ZC3H3: variants seen among roughly 807,000 people sequenced by gnomAD.
ZC3H3 encodes zinc finger CCCH-type containing 3.
A neutral mutation model predicts 77.3 loss-of-function variants in ZC3H3; 36 were observed. The observed-to-expected ratio is 0.47, with a 90% CI of 0.36 to 0.61. ZC3H3 has a LOEUF of 0.61. Among genes scored for constraint, ZC3H3 ranks in the 20% least tolerant of loss-of-function variants. The pLI is 0.00. For synonymous variants in ZC3H3, 626 were observed against 555.2 expected (o/e 1.13, Z -1.79); for missense variants, 1,331 against 1,312.2 (o/e 1.01, Z -0.22).
chr8:143,533,588 C>CAG lies in ZC3H3; in HGVS notation c.1561+2667_1561+2668dup, dbSNP rs1822691206. Among the ~76,000 whole-genome samples, 1 of 152,186 alleles carries CAG rather than the reference C, an allele frequency of 6.6e-6. No homozygotes were observed. Among genetic ancestry groups the CAG allele is most frequent in the Non-Finnish European group, 1.5e-5 (1 of 68,030 alleles). On this transcript the variant is annotated intron_variant, in intron 3 of 11. Coordinates refer to ENST00000262577, the MANE Select transcript of ZC3H3 (RefSeq NM_015117.3). This position sits in a 1 kb window ranked among gnomAD's most constrained non-coding sequence, Gnocchi z 4.0. The stretch of plus-strand genomic sequence containing the variant: ...GGCACAGTGACTCAACCACGCTTGC[C>CAG]AGTTGGGCCAGTGGTGGGCAAGTGA...
At chr8:143,442,214 C>T (rs1327373478) in intron 9 of ZC3H3, among the ~76,000 whole-genome samples, 2 of 152,114 alleles carry the variant, frequency 1.3e-5, no homozygotes, top group Non-Finnish European at 2.9e-5. Flanking sequence ...CCCCGCCATA[C>T]CCCCAGGTGG....
intron 4 of ZC3H3, among the ~76,000 whole-genome samples, chr8:143,482,763 C>T (rs573678052): frequency 1.3e-5 from 2 of 152,320 alleles, no homozygotes; most frequent in East Asian, 3.9e-4. Flanking sequence ...AAGGCTGCTA[C>T]GGACGTGACA....
At position 143,475,450 on chromosome 8, in the gene ZC3H3, G is replaced by C. The variant is rs780144237; in HGVS notation, c.1851C>G (p.Ser617=). 3 of 1,613,100 alleles carry C rather than the reference G, an allele frequency of 1.9e-6. No homozygotes were observed. Among genetic ancestry groups the C allele is most frequent in the Non-Finnish European group, 2.5e-6 (3 of 1,179,966 alleles). The change falls in exon 5 of 12, where the codon TCC becomes TCG. Residue 617 remains serine, a synonymous_variant. Transcript: ENST00000262577. ...VLYKVSANKL[S]KTSGQPSDAG... ...CATCACTGGGCTGGCCGGAGGTCTTGGAGAGCTTGTTGGCAGATACTTTGT... is the reference window on the plus strand; with the variant it reads ...CATCACTGGGCTGGCCGGAGGTCTTCGAGAGCTTGTTGGCAGATACTTTGT...
intron 9 of ZC3H3, among the ~76,000 whole-genome samples, chr8:143,442,432 C>CGGGGGGG (rs72497486): frequency 9.6e-5 from 9 of 93,880 alleles, no homozygotes; most frequent in Non-Finnish European, 1.3e-4. Context: ...GCAAGGCCTC[C>CGGGGGGG]GGGGGGGGGG....
At chr8:143,438,111 G>C in intron 11 of ZC3H3, 24 bp from the exon 12 acceptor site, 13 of 1,603,096 alleles carry the variant, frequency 8.1e-6, no homozygotes, top group Non-Finnish European at 1.1e-5. Context: ...GCAAAAGTTA[G>C]GTGCCCGGAA....
intron 4 of ZC3H3, among the ~76,000 whole-genome samples, chr8:143,488,406 A>C (rs868145020): frequency 1.4e-3 from 178 of 122,906 alleles, no homozygotes; most frequent in African/African-American, 3.8e-3. Context: ...AGCACCCGCT[A>C]CACGGCCCCA....
In ZC3H3 at chr8:143,494,494, C is replaced by G. The variant is rs533662436; in HGVS notation, c.1715+13252G>C. ...CACCCCACAGTGCAGGAGCCTGTGG[C>G]CACCCCTGCCAACAGGCCCACACAA... On this transcript the variant is annotated intron_variant, in intron 4 of 11. Coordinates refer to ENST00000262577, the MANE Select transcript of ZC3H3 (RefSeq NM_015117.3). This position sits in a 1 kb window ranked among gnomAD's most constrained non-coding sequence, Gnocchi z 5.3. 3.9e-4 allele frequency among the ~76,000 whole-genome samples: 60 copies of G among 152,294 alleles called. No individual in the cohort carries two copies. The South Asian group carries it at 5.0e-3, about 13-fold the overall frequency.
At chr8:143,516,568 TACAC>T (rs1210430916) in intron 3 of ZC3H3, among the ~76,000 whole-genome samples, 4 of 49,538 alleles carry the variant, frequency 8.1e-5, no homozygotes, top group African/African-American at 3.6e-4. Context: ...CACACACACA[TACAC>T]ACACACACTC....
chr8:143,465,801 G>C lies in ZC3H3; in HGVS notation c.2223C>G (p.Asn741Lys). The C allele has an allele frequency of 6.2e-7, 1 of 1,613,626 alleles. No individual in the cohort carries two copies. The highest frequency in any genetic ancestry group is 8.5e-7 in the Non-Finnish European group (1 of 1,180,014). The change falls in exon 9 of 12, where the codon AAC becomes AAG. Residue 741 changes from asparagine (N) to lysine (K), a missense_variant. This residue lies in a region of ZC3H3 where 104 missense variants were observed against 159.7 expected (regional missense o/e 0.65). Coordinates refer to ENST00000262577, the MANE Select transcript of ZC3H3 (RefSeq NM_015117.3). ...YFLKGICSNS[N>K]CPYSHVYVSR... ...ACACGTACACGTGGCTATAGGGACA[G>C]TTGCTGTTGCTGCAGATGCCCTTCA...
intron 3 of ZC3H3, among the ~76,000 whole-genome samples, chr8:143,516,081 GT>G (rs1822030121): frequency 6.6e-6 from 1 of 152,160 alleles, no homozygotes; most frequent in South Asian, 2.1e-4. Flanking sequence ...CTTCAGGCCC[GT>G]CCATTTCTCT....
chr8:143,470,364 G>A (rs1820529783), intron 5 of ZC3H3, among the ~76,000 whole-genome samples: 1 of 152,248 alleles, frequency 6.6e-6, no homozygotes, highest in African/African-American at 2.4e-5. Flanking sequence ...GAAACCTGAG[G>A]CGTGTGGGGG....
chr8:143,528,430 A>T (rs1822489915), intron 3 of ZC3H3, among the ~76,000 whole-genome samples: 1 of 152,144 alleles, frequency 6.6e-6, no homozygotes, highest in African/African-American at 2.4e-5. Flanking sequence ...TCAGGGCTCC[A>T]CCCATGCCTC....
intron 9 of ZC3H3, among the ~76,000 whole-genome samples, chr8:143,453,621 T>C (rs1820042190): frequency 6.6e-6 from 1 of 152,168 alleles, no homozygotes; most frequent in Admixed American, 6.5e-5. Context: ...GTGGTTAAAG[T>C]TCTCCAAACA....
At position 143,438,051 on chromosome 8, in the gene ZC3H3, G is replaced by C. The variant is rs753215909; in HGVS notation, c.*5C>G. 3.1e-6 allele frequency: 5 copies of C among 1,610,796 alleles called. No homozygotes were observed. Among genetic ancestry groups the C allele is most frequent in the Non-Finnish European group, 4.2e-6 (5 of 1,178,794 alleles). ...GAGGTAGGTGCAGGCCGGTCCCTGG[G>C]GTCCTCACAGACGTGGTTTGATGTG... On this transcript the variant is annotated 3_prime_UTR_variant, in exon 12 of 12. Coordinates refer to ENST00000262577, the MANE Select transcript of ZC3H3 (RefSeq NM_015117.3).
intron 5 of ZC3H3, among the ~76,000 whole-genome samples, chr8:143,472,002 C>G (rs539353424): frequency 1.3e-5 from 2 of 152,154 alleles, no homozygotes; most frequent in African/African-American, 4.8e-5. Context: ...TCTGCACAGC[C>G]CCAGGACTGC....
intron 3 of ZC3H3, among the ~76,000 whole-genome samples, chr8:143,511,944 C>A (rs190472010): frequency 6.6e-6 from 1 of 152,244 alleles, no homozygotes; most frequent in African/African-American, 2.4e-5. Context: ...AAGACTGGCA[C>A]GGAATTTGCT....
At chr8:143,508,780 G>T (rs1175201436) in intron 3 of ZC3H3, among the ~76,000 whole-genome samples, 2 of 151,644 alleles carry the variant, frequency 1.3e-5, no homozygotes, top group African/African-American at 4.8e-5. Context: ...CCCAGCCCAG[G>T]GGACCTCACT....
rs1201091001 is a variant in ZC3H3, at chr8:143,538,295, C to G, written c.1072G>C (p.Glu358Gln). 1 of 1,612,846 alleles carries G rather than the reference C, an allele frequency of 6.2e-7. No individual in the cohort carries two copies. The highest frequency in any genetic ancestry group is 8.5e-7 in the Non-Finnish European group (1 of 1,180,030). Residue 358 changes from glutamate (E) to glutamine (Q), a missense_variant, in exon 2 of 12, where the codon GAG becomes CAG. Around this residue, in one of 3 missense-constraint regions of ZC3H3, gnomAD observed 978 missense variants for 915.5 expected, o/e 1.07. Transcript: ENST00000262577. ...GTGGCTGGCTTCCTGGGCTTGGGCT[C>G]TGGGTCAGCTATGAGCTGCGGCTTC... ...VEKPQLIADP[E>Q]PKPRKPATSS... is the part of the protein sequence containing the mutation.
At chr8:143,515,417 A>G (rs1822006559) in intron 3 of ZC3H3, among the ~76,000 whole-genome samples, 1 of 152,252 alleles carries the variant, frequency 6.6e-6, no homozygotes, top group Admixed American at 6.5e-5. Context: ...GCGTGACATC[A>G]GCTTCCGGCA....
Sources: allele counts gnomAD v4.1 joint callset (sites outside exome capture counted in the v4.1 genomes callset), GRCh38; gene constraint gnomAD v4.1.1; regional missense constraint gnomAD v4.1.1; non-coding constraint Gnocchi (gnomAD v3.1); transcripts MANE v1.5; gene names NCBI Gene and HGNC (gene_info 2026-07-23, HGNC 2026-07-21).